Variants in GOLGA6A observed in about 807,000 individuals in gnomAD.
GOLGA6A encodes golgin A6 family member A.
Under a neutral mutation model 53.6 loss-of-function variants are expected in GOLGA6A, and 1 was observed. The observed-to-expected ratio is 0.02, with a 90% CI of 0.01 to 0.09. GOLGA6A has a LOEUF of 0.09. GOLGA6A is among the 10% of genes least tolerant of loss of function. GOLGA6A has a pLI of 1.00. For missense variants in GOLGA6A, 23 were observed against 509.4 expected (o/e 0.05, Z 9.19); for synonymous variants, 6 against 201.8 (o/e 0.03, Z 8.22).
In GOLGA6A at chr15:74,075,969, T is replaced by A. The variant is rs1311412086; in HGVS notation, c.581A>T (p.Glu194Val). 1.3e-6 allele frequency: 2 copies of A among 1,599,992 alleles called. No homozygotes were observed. The highest frequency in any genetic ancestry group is 1.7e-6 in the Non-Finnish European group (2 of 1,172,916). ...CTGTAACCACCGCTGGAGGACCGCT[T>A]CTCTGCAGCTCGAGGACTGGATGGT... is the stretch of plus-strand genomic sequence containing the variant. The part of the protein sequence containing the change: ...QEEDRSSSCR[E>V]AVLQRWLQQT... The change falls in exon 8 of 18, where the codon GAA becomes GTA. Residue 194 changes from glutamate to valine, a missense_variant. Physicochemically the swap from Glu to Val is moderately radical, Grantham distance 121. Transcript: ENST00000290438.
intron 14 of GOLGA6A, among the ~76,000 whole-genome samples, chr15:74,072,006 A>G (rs1196390572): frequency 1.1e-4 from 16 of 151,860 alleles, no homozygotes; most frequent in East Asian, 1.9e-4. Context: ...CATAGACAGA[A>G]CAAATGAGGC....
At chr15:74,080,376 A>C in intron 2 of GOLGA6A, among the ~76,000 whole-genome samples, 1 of 152,304 alleles carries the variant, frequency 6.6e-6, no homozygotes, top group Non-Finnish European at 1.5e-5. Context: ...TGAAAACAAC[A>C]ACAATAAGGA....
At chr15:74,076,623 T>TACACACAC (rs368556511) in intron 7 of GOLGA6A, among the ~76,000 whole-genome samples, 5,268 of 138,306 alleles carry the variant, frequency 0.038, 4 homozygotes, top group South Asian at 0.048. Context: ...ATTATCATAG[T>TACACACAC]ACACACACAC....
rs753013819 is a variant in GOLGA6A, at chr15:74,072,734, T to G, written c.1501+8A>C. 6.2e-7 allele frequency: 1 copy of G among 1,611,948 alleles called. No individual in the cohort carries two copies. The highest frequency in any genetic ancestry group is 1.4e-5 in the African/African-American group (1 of 73,046). ...CTCTCTCCTCTTCCTCTGAGTGGTC[T>G]CCTGTACCTTCTCCAGGGAGAGCCA... On this transcript the variant is annotated splice_region_variant and intron_variant, in intron 13 of 17. Coordinates refer to ENST00000290438, the MANE Select transcript of GOLGA6A (RefSeq NM_001038640.2).
At chr15:74,075,868 C>G in intron 8 of GOLGA6A, 31 bp downstream of exon 8, 1 of 1,592,420 alleles carries the variant, frequency 6.3e-7, no homozygotes, top group East Asian at 2.3e-5. Flanking sequence ...GGTCATCTTC[C>G]TTCCACATCC....
chr15:74,072,083 A>T (rs867116806), intron 14 of GOLGA6A, 135 bp downstream of exon 14: 2 of 666,318 alleles, frequency 3.0e-6, no homozygotes, highest in African/African-American at 2.0e-5. Context: ...ACAGGTGACA[A>T]AGTGTCTGAC....
In GOLGA6A at chr15:74,075,935, TA is replaced by T; in HGVS notation, c.614del (p.Ile205LysfsTer7). 6.3e-7 allele frequency: 1 copy of T among 1,595,162 alleles called. No individual in the cohort carries two copies. The highest frequency in any genetic ancestry group is 8.5e-7 in the Non-Finnish European group (1 of 1,171,972). ...GTGCGTTCAGCAGCGCCCGCTCCTT[TA>T]TGGTCTGCTGTAACCACCGCTGGAG... ...AVLQRWLQQT[I>X]KERALLNAHV... On this transcript the variant is annotated frameshift_variant, in exon 8 of 18. Coordinates refer to ENST00000290438, the MANE Select transcript of GOLGA6A (RefSeq NM_001038640.2). LOFTEE classifies it high-confidence loss of function.
intron 7 of GOLGA6A, among the ~76,000 whole-genome samples, chr15:74,076,623 T>TACAC (rs368556511): frequency 0.1 from 14,416 of 139,032 alleles, 23 homozygotes; most frequent in African/African-American, 0.13. Context: ...ATTATCATAG[T>TACAC]ACACACACAC....
chr15:74,072,720 T>G, intron 13 of GOLGA6A, 22 bp downstream of exon 13: 1 of 1,610,954 alleles, frequency 6.2e-7, no homozygotes. Flanking sequence ...TCTCTCCTCT[T>G]CCTCTGAGTG....
At chr15:74,072,152 C>CA (rs2071947135) in intron 14 of GOLGA6A, 66 bp downstream of exon 14, 1 of 1,400,366 alleles carries the variant, frequency 7.1e-7, no homozygotes. Flanking sequence ...AAACCAAGAG[C>CA]ATAAGGGGGT....
intron 12 of GOLGA6A, among the ~76,000 whole-genome samples, chr15:74,073,372 C>A (rs1340486386): frequency 6.6e-6 from 1 of 151,018 alleles, no homozygotes; most frequent in Non-Finnish European, 1.5e-5. Flanking sequence ...CAGAGGGAGC[C>A]AACCACCATC....
chr15:74,080,317 T>C (rs1359967559), intron 2 of GOLGA6A, among the ~76,000 whole-genome samples: 1 of 152,288 alleles, frequency 6.6e-6, no homozygotes, highest in Non-Finnish European at 1.5e-5. Context: ...AATGACCATT[T>C]CCTGGGTATC....
chr15:74,078,095 CG>C (rs1365307507), intron 3 of GOLGA6A, among the ~76,000 whole-genome samples: 8 of 144,370 alleles, frequency 5.5e-5, no homozygotes, highest in African/African-American at 2.3e-4. Flanking sequence ...TGAACACATA[CG>C]GGCCAGCTAC....
intron 7 of GOLGA6A, among the ~76,000 whole-genome samples, chr15:74,076,661 C>CAT (rs59721284): frequency 7.0e-6 from 1 of 143,430 alleles, no homozygotes; most frequent in Non-Finnish European, 1.6e-5. Context: ...CACACACACA[C>CAT]CCCTTTCCTC....
intron 14 of GOLGA6A, among the ~76,000 whole-genome samples, chr15:74,071,901 C>T (rs1401051802): frequency 2.0e-5 from 3 of 152,400 alleles, no homozygotes; most frequent in Admixed American, 6.5e-5. Context: ...ACACCTTCCG[C>T]TGCCCACATA....
intron 1 of GOLGA6A, among the ~76,000 whole-genome samples, 167 bp from the exon 2 acceptor site, chr15:74,080,902 ATGGCT>A: frequency 8.8e-6 from 1 of 114,102 alleles, no homozygotes; most frequent in Non-Finnish European, 1.8e-5. Flanking sequence ...GATGGATATT[ATGGCT>A]AAAAAAAAAA....
At chr15:74,076,120 T>G in intron 7 of GOLGA6A, 135 bp from the exon 8 acceptor site, 7 of 887,534 alleles carry the variant, frequency 7.9e-6, no homozygotes, top group Non-Finnish European at 1.2e-5. Context: ...TTAAAAGAAC[T>G]CAGTAAAGTT....
In GOLGA6A at chr15:74,072,250, T is replaced by C; in HGVS notation, c.1561A>G (p.Ile521Val). ...TCCCGGCTCTCCAGGTCCTCTGGGA[T>C]GTTTGGCGTGGGCCGAGGCGCCTCC... ...EEEAPRPTPN[I>V]PEDLESREAT... The change falls in exon 14 of 18, where the codon ATC becomes GTC. Residue 521 changes from isoleucine to valine, a missense_variant. By Grantham distance (29) the Ile-to-Val change is conservative. Transcript: ENST00000290438. 1 of 1,609,452 alleles carries C rather than the reference T, an allele frequency of 6.2e-7. No individual in the cohort carries two copies. The highest frequency in any genetic ancestry group is 1.1e-5 in the South Asian group (1 of 91,016).
Position 74,072,400 on chromosome 15 carries a change from T to C in GOLGA6A, c.1502-91A>G, listed in dbSNP as rs2071951077. On this transcript the variant is annotated intron_variant, in intron 13 of 17. Transcript: ENST00000290438. ...TGTCCCCACCCTGACTGTGTAACCC[T>C]GAGCCAGCCTCTCCCCAGAGGGGAG... is the stretch of plus-strand genomic sequence containing the variant. 2.3e-5 allele frequency: 37 copies of C among 1,584,894 alleles called. No individual in the cohort carries two copies. The South Asian group carries it at 3.9e-4, about 17-fold the overall frequency.
Sources: allele counts gnomAD v4.1 joint callset (sites outside exome capture counted in the v4.1 genomes callset), GRCh38; gene constraint gnomAD v4.1.1; transcripts MANE v1.5; gene names NCBI Gene and HGNC (gene_info 2026-07-23, HGNC 2026-07-21).